The following WWOX variants were observed in gnomAD, a reference collection of about 807,000 sequenced individuals.
The protein encoded by WWOX is WW domain-containing oxidoreductase.
In WWOX, 69 loss-of-function variants were observed where a neutral mutation model predicts 46.2. The ratio of observed to expected loss-of-function variants is 1.49; its 90% confidence interval spans 1.23 to 1.82. WWOX has a LOEUF of 1.82. Ranked by LOEUF, WWOX falls within the 40% of genes most tolerant of loss-of-function variation. The pLI, the probability that WWOX is intolerant of heterozygous loss-of-function variation, is 0.00. For synonymous variants in WWOX, 359 were observed against 202.6 expected, an observed-to-expected ratio of 1.77 and a Z score of -6.56; for missense variants, 919 against 542.6, an observed-to-expected ratio of 1.69 and a Z score of -6.89.
chr16:78,140,112 A>G (rs1051926095), intron 4 of WWOX, among the ~76,000 whole-genome samples: 2 of 152,192 alleles, frequency 1.3e-5, no homozygotes, highest in East Asian at 3.9e-4. Context: ...AGGTGAGGCC[A>G]TCTGGTTGCA....
At chr16:78,489,087 GA>G (rs2084713501) in intron 8 of WWOX, among the ~76,000 whole-genome samples, 1 of 152,104 alleles carries the variant, frequency 6.6e-6, no homozygotes, top group Non-Finnish European at 1.5e-5. Flanking sequence ...TTCTAGCTGA[GA>G]TGAGATTTTA....
intron 8 of WWOX, among the ~76,000 whole-genome samples, chr16:78,702,265 G>C (rs889662699): frequency 6.6e-6 from 1 of 150,618 alleles, no homozygotes; most frequent in African/African-American, 2.4e-5. Flanking sequence ...GGGTGACAGA[G>C]TGAGACTTTG....
At chr16:78,888,810 T>A (rs75987805) in intron 8 of WWOX, among the ~76,000 whole-genome samples, 2 of 65,980 alleles carry the variant, frequency 3.0e-5, no homozygotes, top group African/African-American at 6.7e-5. Context: ...AGGATATTGA[T>A]TTTTTTTTTC....
chr16:78,952,832 G>A (rs2046089288), intron 8 of WWOX, among the ~76,000 whole-genome samples: 1 of 152,184 alleles, frequency 6.6e-6, no homozygotes, highest in African/African-American at 2.4e-5. Flanking sequence ...GTAAGTGAAT[G>A]AGTACGTGAA....
chr16:78,695,338 C>T (rs1483504906), intron 8 of WWOX, among the ~76,000 whole-genome samples: 7 of 152,090 alleles, frequency 4.6e-5, no homozygotes, highest in Non-Finnish European at 4.4e-5. Flanking sequence ...TGAATCCTCC[C>T]ATATGTCCCT....
At chr16:78,385,418 A>G (rs75357183) in intron 5 of WWOX, among the ~76,000 whole-genome samples, 4,102 of 152,308 alleles carry the variant, frequency 0.027, 161 homozygotes, top group African/African-American at 0.087. Flanking sequence ...TTAGGAACTT[A>G]TGAACATGTA....
chr16:78,630,570 T>G (rs1263004108), intron 8 of WWOX, among the ~76,000 whole-genome samples: 1 of 152,208 alleles, frequency 6.6e-6, no homozygotes, highest in Non-Finnish European at 1.5e-5. Flanking sequence ...GGGGACTAAT[T>G]AAATGCATCC....
intron 8 of WWOX, among the ~76,000 whole-genome samples, chr16:78,820,950 C>G (rs943039399): frequency 1.3e-5 from 2 of 152,178 alleles, no homozygotes; most frequent in Non-Finnish European, 2.9e-5. Flanking sequence ...TGTGTCCTTT[C>G]TGTCTCTTAC....
At chr16:78,968,104 CGCGTGGTCCGCGTG>C (rs2046397656) in intron 8 of WWOX, among the ~76,000 whole-genome samples, 1 of 73,264 alleles carries the variant, frequency 1.4e-5, no homozygotes, top group Admixed American at 1.6e-4. Context: ...CATGGCACAG[CGCGTGGTCCGCGTG>C]GCACAGCGCG....
At chr16:78,970,586 A>C (rs1467067) in intron 8 of WWOX, among the ~76,000 whole-genome samples, 34,163 of 152,176 alleles carry the variant, frequency 0.22, 4,364 homozygotes, top group Non-Finnish European at 0.3. Context: ...TAAGACATTC[A>C]AGGTAGAAGG....
At chr16:78,745,449 C>T (rs888118454) in intron 8 of WWOX, among the ~76,000 whole-genome samples, 2 of 151,760 alleles carry the variant, frequency 1.3e-5, no homozygotes, top group Non-Finnish European at 2.9e-5. Context: ...TCAACATTGA[C>T]CTAGGTCAGA....
intron 5 of WWOX, among the ~76,000 whole-genome samples, chr16:78,202,657 A>G (rs1480679625): frequency 2.0e-5 from 3 of 152,236 alleles, no homozygotes; most frequent in African/African-American, 4.8e-5. Context: ...CTGGAGTACC[A>G]GGAACTTAGA....
At chr16:78,845,486 C>G (rs4555166) in intron 8 of WWOX, among the ~76,000 whole-genome samples, 6,166 of 152,186 alleles carry the variant, frequency 0.041, 394 homozygotes, top group African/African-American at 0.14. Context: ...CATGGATTCT[C>G]TTTTACAGGC....
chr16:78,656,985 G>A (rs1045108113), intron 8 of WWOX, among the ~76,000 whole-genome samples: 1 of 152,130 alleles, frequency 6.6e-6, no homozygotes, highest in Non-Finnish European at 1.5e-5. Flanking sequence ...GGGTCTTCGG[G>A]CACATGGTGG....
At chr16:78,126,429 T>A (rs1369301275) in intron 4 of WWOX, among the ~76,000 whole-genome samples, 2 of 152,226 alleles carry the variant, frequency 1.3e-5, no homozygotes, top group Non-Finnish European at 2.9e-5. Flanking sequence ...AATTTGCCTA[T>A]CTCTGATGAT....
At chr16:79,054,464 G>T (rs559971103) in intron 8 of WWOX, among the ~76,000 whole-genome samples, 1 of 152,144 alleles carries the variant, frequency 6.6e-6, no homozygotes, top group Non-Finnish European at 1.5e-5. Flanking sequence ...TCCAAAATGC[G>T]CGTGTTGCAA....
At chr16:78,471,429 G>A (rs1282068066) in intron 8 of WWOX, among the ~76,000 whole-genome samples, 2 of 152,182 alleles carry the variant, frequency 1.3e-5, no homozygotes, top group East Asian at 1.9e-4. Context: ...GAACAGTCCT[G>A]TGCAGTGTTT....
intron 6 of WWOX, among the ~76,000 whole-genome samples, chr16:78,412,937 C>T (rs190736031): frequency 5.3e-4 from 81 of 152,254 alleles, no homozygotes; most frequent in African/African-American, 1.9e-3. Context: ...GTCTTTTTTA[C>T]CCTCTTTGTT....
At chr16:78,973,841 C>T (rs936096150) in intron 8 of WWOX, among the ~76,000 whole-genome samples, 1 of 152,214 alleles carries the variant, frequency 6.6e-6, no homozygotes, top group African/African-American at 2.4e-5. Flanking sequence ...GAGCCGAGAG[C>T]CCCTGCTTCC....
Sources: gnomAD v4.1 joint callset for allele counts (sites outside exome capture counted in the v4.1 genomes callset) on GRCh38, gnomAD v4.1.1 for gene constraint, MANE v1.5 for transcripts, NCBI Gene and HGNC (gene_info 2026-07-23, HGNC 2026-07-21) for gene names.